The following ZNF566 variants were observed in gnomAD, a reference collection of about 807,000 sequenced individuals.
ZNF566 encodes zinc finger protein 566.
ZNF566 carries 27 observed loss-of-function variants against 32.8 expected under a neutral mutation model. The observed-to-expected ratio is 0.82, with a 90% CI of 0.61 to 1.14. The LOEUF is 1.14. ZNF566 is among the 50% of genes most tolerant of loss of function. The pLI is 0.00. For missense variants in ZNF566, 402 were observed against 490.4 expected (o/e 0.82, Z 1.70); for synonymous variants, 154 against 159.5 (o/e 0.97, Z 0.26).
intron 2 of ZNF566, among the ~76,000 whole-genome samples, chr19:36,474,700 G>A (rs1732252890): frequency 6.6e-6 from 1 of 152,130 alleles, no homozygotes; most frequent in Non-Finnish European, 1.5e-5. Flanking sequence ...TTGTAGACAT[G>A]TGTAAAATTA....
At chr19:36,465,713 T>C (rs939033799) in intron 4 of ZNF566, among the ~76,000 whole-genome samples, 46 of 151,990 alleles carry the variant, frequency 3.0e-4, no homozygotes, top group African/African-American at 1.1e-3. Flanking sequence ...GACCGCGTGA[T>C]CCACCCACCT....
chr19:36,472,943 G>A lies in ZNF566; in HGVS notation c.200C>T (p.Ala67Val), dbSNP rs2033801863. The change falls in exon 4 of 5, where the codon GCT becomes GTT. Residue 67 changes from alanine (A) to valine (V), a missense_variant. Transcript: ENST00000452939. ...CTGGCCTCTTGTTAGCTCTCTGTCAGCCAACCAGGGCTCCTTCCCTTGCTC... is the reference window on the plus strand; with the variant it reads ...CTGGCCTCTTGTTAGCTCTCTGTCAACCAACCAGGGCTCCTTCCCTTGCTC... ...YLEQGKEPWL[A>V]DRELTRGQWP... The A allele has an allele frequency of 5.0e-6, 8 of 1,613,934 alleles. No homozygotes were observed. Among genetic ancestry groups the A allele is most frequent in the Non-Finnish European group, 6.8e-6 (8 of 1,179,932 alleles).
chr19:36,454,105 C>T (rs2033239109), intron 4 of ZNF566, among the ~76,000 whole-genome samples: 2 of 152,146 alleles, frequency 1.3e-5, no homozygotes, highest in East Asian at 1.9e-4. Flanking sequence ...CACTATGTTG[C>T]TCAGGCTGGT....
intron 4 of ZNF566, among the ~76,000 whole-genome samples, chr19:36,452,387 G>C (rs543121295): frequency 4.1e-4 from 62 of 151,606 alleles, no homozygotes; most frequent in Non-Finnish European, 6.2e-4. Context: ...CTGAATTCCA[G>C]ACTTTTTAAC....
chr19:36,475,869 A>G (rs1366493336), intron 2 of ZNF566, among the ~76,000 whole-genome samples: 1 of 152,126 alleles, frequency 6.6e-6, no homozygotes, highest in Admixed American at 6.6e-5. Context: ...CATAATTCTT[A>G]AATCTCTTTA....
At chr19:36,464,380 T>C (rs2033559413) in intron 4 of ZNF566, among the ~76,000 whole-genome samples, 1 of 152,032 alleles carries the variant, frequency 6.6e-6, no homozygotes, top group Non-Finnish European at 1.5e-5. Flanking sequence ...TGGTTTTGAA[T>C]TCCTGGGCTC....
intron 4 of ZNF566, among the ~76,000 whole-genome samples, chr19:36,459,815 A>AT (rs1177222094): frequency 6.4e-5 from 8 of 124,356 alleles, no homozygotes; most frequent in Non-Finnish European, 1.3e-4. Flanking sequence ...CTGGCCACCT[A>AT]TTACTTTTTT....
chr19:36,465,220 T>C, intron 4 of ZNF566, among the ~76,000 whole-genome samples: 1 of 152,152 alleles, frequency 6.6e-6, no homozygotes, highest in East Asian at 1.9e-4. Flanking sequence ...AATCAGATTA[T>C]TAAAAGATGA....
At chr19:36,453,500 TA>T (rs1568510907) in intron 4 of ZNF566, among the ~76,000 whole-genome samples, 41 of 126,656 alleles carry the variant, frequency 3.2e-4, no homozygotes, top group African/African-American at 1.1e-3. Context: ...AATAAATAAA[TA>T]AATAAATTAA....
rs757908912 is a variant in ZNF566, at chr19:36,449,398, C to T, written c.836G>A (p.Gly279Asp). The change falls in exon 5 of 5, where the codon GGT becomes GAT. Residue 279 changes from glycine to aspartate, a missense_variant. Transcript: ENST00000452939. ...NFTRHQRIHT[G>D]EKPYECKECG... ...TTCTTTGCATTCATAAGGCTTCTCA[C>T]CTGTGTGAATTCTCTGATGTCGAGT... is the stretch of plus-strand genomic sequence containing the variant. The T allele has an allele frequency of 5.0e-6, 8 of 1,614,158 alleles. No homozygotes were observed. The highest frequency in any genetic ancestry group is 6.8e-6 in the Non-Finnish European group (8 of 1,180,016).
At chr19:36,450,666 A>G (rs2033132101) in intron 4 of ZNF566, among the ~76,000 whole-genome samples, 1 of 152,126 alleles carries the variant, frequency 6.6e-6, no homozygotes, top group Admixed American at 6.6e-5. Context: ...TAAATAAATA[A>G]ATAAATAAAG....
At chr19:36,489,241 G>T (rs1193287748) in intron 1 of ZNF566, among the ~76,000 whole-genome samples, 1 of 152,112 alleles carries the variant, frequency 6.6e-6, no homozygotes, top group Non-Finnish European at 1.5e-5. Context: ...ACACAATGCC[G>T]CACGTGGTCC....
intron 4 of ZNF566, among the ~76,000 whole-genome samples, chr19:36,457,899 T>TAAAC (rs145462733): frequency 6.6e-6 from 1 of 151,608 alleles, no homozygotes; most frequent in Non-Finnish European, 1.5e-5. Flanking sequence ...CTCAAAAAAA[T>TAAAC]AAACAAACAA....
intron 4 of ZNF566, among the ~76,000 whole-genome samples, chr19:36,461,438 AG>A (rs2033458861): frequency 6.6e-6 from 1 of 152,198 alleles, no homozygotes; most frequent in Non-Finnish European, 1.5e-5. Context: ...TGGGAGTCCG[AG>A]GCAGGTGGAT....
chr19:36,487,483 C>A (rs1011993252), intron 1 of ZNF566, among the ~76,000 whole-genome samples: 7 of 152,092 alleles, frequency 4.6e-5, no homozygotes, highest in Non-Finnish European at 1.0e-4. Flanking sequence ...CAATATATCC[C>A]CAGTATAGTG....
chr19:36,473,218 T>G (rs1568525980), intron 3 of ZNF566, 114 bp downstream of exon 3: 3 of 1,334,870 alleles, frequency 2.2e-6, no homozygotes, highest in Non-Finnish European at 3.2e-6. Flanking sequence ...AACATTCCTG[T>G]GGAACAGGAT....
chr19:36,481,273 C>A (rs541458714), intron 1 of ZNF566, among the ~76,000 whole-genome samples: 3 of 151,884 alleles, frequency 2.0e-5, no homozygotes, highest in East Asian at 1.9e-4. Flanking sequence ...GAATTTGGGA[C>A]CAGCCTGGCC....
intron 1 of ZNF566, among the ~76,000 whole-genome samples, chr19:36,489,049 T>C (rs1236682663): frequency 6.6e-6 from 1 of 152,106 alleles, no homozygotes; most frequent in Non-Finnish European, 1.5e-5. Flanking sequence ...CGCACACCTG[T>C]ACCGGGTCAC....
intron 2 of ZNF566, 39 bp from the exon 3 acceptor site, chr19:36,473,497 TA>T (rs751194802): frequency 2.0e-6 from 3 of 1,500,774 alleles, no homozygotes; most frequent in Non-Finnish European, 1.8e-6. Context: ...ATTAATTTTT[TA>T]AAAAGTACTT....
Sources: allele counts gnomAD v4.1 joint callset (sites outside exome capture counted in the v4.1 genomes callset), GRCh38; gene constraint gnomAD v4.1.1; transcripts MANE v1.5; gene names NCBI Gene and HGNC (gene_info 2026-07-23, HGNC 2026-07-21).